MERTK: variants seen among roughly 807,000 people sequenced by gnomAD.
MERTK encodes the protein MER proto-oncogene, tyrosine kinase.
Under a neutral mutation model 99.3 loss-of-function variants are expected in MERTK, and 69 were observed. The observed-to-expected ratio is 0.70, with a 90% CI of 0.57 to 0.85. MERTK has a LOEUF of 0.85. Ranked by LOEUF, MERTK falls within the 40% of genes least tolerant of loss-of-function variation. The pLI is 0.00. For missense variants in MERTK, 1,125 were observed against 1,249.4 expected, an observed-to-expected ratio of 0.90 and a Z score of 1.50; for synonymous variants, 426 against 467.6, an observed-to-expected ratio of 0.91 and a Z score of 1.15.
At chr2:111,925,292 A>ATATATATATATATATATATATTTT (rs372747015) in intron 1 of MERTK, among the ~76,000 whole-genome samples, 3 of 24,486 alleles carry the variant, frequency 1.2e-4, no homozygotes, top group Non-Finnish European at 1.5e-4. Context: ...ATATATATAT[A>ATATATATATATATATATATATTTT]TTTTTTTTTT....
chr2:111,994,214 C>T, intron 8 of MERTK, 37 bp from the exon 9 acceptor site: 1 of 1,612,284 alleles, frequency 6.2e-7, no homozygotes, highest in South Asian at 1.1e-5. Flanking sequence ...GCCCAGACCT[C>T]AGTGTTTTCA....
intron 13 of MERTK, among the ~76,000 whole-genome samples, chr2:112,005,947 ACTCGG>A (rs1424541713): frequency 6.6e-6 from 1 of 151,936 alleles, no homozygotes; most frequent in African/African-American, 2.4e-5. Flanking sequence ...AGTGGCATGA[ACTCGG>A]CTCACTGCAA....
rs530331407 is a variant in MERTK at position 112,001,959 on chromosome 2, AT to A, written c.1690+683del. On this transcript the variant is annotated intron_variant, in intron 11 of 18. Transcript: ENST00000295408. ...AAGTTTTGACTTTTAGATATCCTCA[AT>A]TTTTTTTTTAATTTAAAATTTTAAA... Among the ~76,000 whole-genome samples, 283 of 150,246 alleles carry A rather than the reference AT, an allele frequency of 1.9e-3. 11 individuals carry two copies. Among genetic ancestry groups the A allele is most frequent in the Admixed American group, 5.6e-3 (84 of 15,080 alleles).
intron 18 of MERTK, among the ~76,000 whole-genome samples, chr2:112,023,451 G>T (rs1243195540): frequency 6.6e-6 from 1 of 151,966 alleles, no homozygotes; most frequent in Non-Finnish European, 1.5e-5. Context: ...AAAATAAAGT[G>T]CTCCCTGAGA....
chr2:111,923,228 A>G lies in MERTK; in HGVS notation c.62-5892A>G, dbSNP rs963265177. ...TACAGACAAGTATGTTCAGAAAAAC[A>G]GGGCAAACTCACACAGAAAAATGGG... On this transcript the variant is annotated intron_variant, in intron 1 of 18. Coordinates refer to ENST00000295408, the MANE Select transcript of MERTK (RefSeq NM_006343.3). 3.9e-5 allele frequency among the ~76,000 whole-genome samples: 6 copies of G among 152,248 alleles called. No individual in the cohort carries two copies. In the East Asian group the frequency reaches 5.8e-4, roughly 15 times the overall value.
At chr2:111,994,799 A>AG (rs1315458909) in intron 9 of MERTK, 1 of 304,412 alleles carries the variant, frequency 3.3e-6, no homozygotes, top group Non-Finnish European at 6.4e-6. Flanking sequence ...AAAAAAAAAA[A>AG]GAAGGGAAAA....
chr2:111,967,681 C>G (rs1337322443), intron 5 of MERTK, among the ~76,000 whole-genome samples: 1 of 152,102 alleles, frequency 6.6e-6, no homozygotes, highest in Non-Finnish European at 1.5e-5. Context: ...CCTGTGGCAC[C>G]CCTCTCTTCT....
At chr2:111,975,114 G>A (rs1220677746) in intron 6 of MERTK, among the ~76,000 whole-genome samples, 175 bp from the exon 7 acceptor site, 1 of 152,112 alleles carries the variant, frequency 6.6e-6, no homozygotes, top group Non-Finnish European at 1.5e-5. Flanking sequence ...ATTGTCCGAG[G>A]GCATGAGTAA....
At chr2:111,928,668 T>TTTTTGCC (rs1684612115) in intron 1 of MERTK, among the ~76,000 whole-genome samples, 4 of 152,230 alleles carry the variant, frequency 2.6e-5, no homozygotes, top group Admixed American at 1.3e-4. Context: ...GTATTTTTAG[T>TTTTTGCC]AGAGACAGGT....
At chr2:111,980,625 G>T (rs951907178) in intron 7 of MERTK, among the ~76,000 whole-genome samples, 1 of 151,794 alleles carries the variant, frequency 6.6e-6, no homozygotes, top group Admixed American at 6.6e-5. Flanking sequence ...TCACCGTGTT[G>T]GCCAGGATGG....
At chr2:111,954,052 CA>C (rs1685104541) in intron 4 of MERTK, among the ~76,000 whole-genome samples, 1 of 152,176 alleles carries the variant, frequency 6.6e-6, no homozygotes, top group Non-Finnish European at 1.5e-5. Context: ...AGTGATGCTC[CA>C]CCTTGTGATT....
chr2:112,026,591 G>C (rs1677465503), intron 18 of MERTK, among the ~76,000 whole-genome samples: 1 of 152,170 alleles, frequency 6.6e-6, no homozygotes, highest in African/African-American at 2.4e-5. Flanking sequence ...AAACAAAACA[G>C]AACCCCTAAG....
At chr2:112,025,438 G>T (rs1015325040) in intron 18 of MERTK, among the ~76,000 whole-genome samples, 2 of 152,166 alleles carry the variant, frequency 1.3e-5, no homozygotes, top group African/African-American at 4.8e-5. Context: ...GCACAGAGCT[G>T]GCCCTGCCTC....
intron 6 of MERTK, among the ~76,000 whole-genome samples, chr2:111,969,701 T>C (rs1676049844): frequency 6.7e-6 from 1 of 149,882 alleles, no homozygotes; most frequent in Non-Finnish European, 1.5e-5. Flanking sequence ...TTTTTTTTTT[T>C]TTTTTTTTGA....
At chr2:111,933,373 T>A (rs1297986731) in intron 2 of MERTK, among the ~76,000 whole-genome samples, 2 of 152,210 alleles carry the variant, frequency 1.3e-5, no homozygotes, top group Non-Finnish European at 2.9e-5. Flanking sequence ...TGTTAGAAAT[T>A]CATTAGCCTG....
chr2:111,997,613 A>G, intron 10 of MERTK, 137 bp downstream of exon 10: 1 of 1,043,140 alleles, frequency 9.6e-7, no homozygotes, highest in South Asian at 1.4e-5. Context: ...CCCTGGGCTC[A>G]GGCAGCTTCC....
chr2:111,990,398 C>T (rs998071559), intron 8 of MERTK, among the ~76,000 whole-genome samples: 3 of 151,186 alleles, frequency 2.0e-5, no homozygotes, highest in Non-Finnish European at 4.4e-5. Context: ...AAATGTGTGA[C>T]TGATAAACAC....
At chr2:111,939,043 T>C (rs1163121045) in intron 2 of MERTK, among the ~76,000 whole-genome samples, 3 of 152,196 alleles carry the variant, frequency 2.0e-5, no homozygotes, top group Non-Finnish European at 4.4e-5. Context: ...ACTTCTTGTC[T>C]TAGTCTGTTT....
chr2:111,924,046 C>T (rs1390387468), intron 1 of MERTK, among the ~76,000 whole-genome samples: 6 of 152,086 alleles, frequency 3.9e-5, no homozygotes, highest in Non-Finnish European at 7.4e-5. Context: ...ATACAGCCAA[C>T]AACGATGTGA....
Sources: allele counts gnomAD v4.1 joint callset (sites outside exome capture counted in the v4.1 genomes callset), GRCh38; gene constraint gnomAD v4.1.1; transcripts MANE v1.5; gene names NCBI Gene and HGNC (gene_info 2026-07-23, HGNC 2026-07-21).